Variants in PDE1C observed in about 807,000 individuals in gnomAD.
PDE1C encodes dual specificity calcium/calmodulin-dependent 3',5'-cyclic nucleotide phosphodiesterase 1C.
Under a neutral mutation model 93.1 loss-of-function variants are expected in PDE1C, and 62 were observed. That is an observed-to-expected ratio of 0.67 (90% CI 0.54 to 0.82). The LOEUF is 0.82. Ranked by LOEUF, PDE1C falls within the 40% of genes least tolerant of loss-of-function variation. PDE1C has a pLI of 0.00. For missense variants in PDE1C, 742 were observed against 884.6 expected, an observed-to-expected ratio of 0.84 and a Z score of 2.04; for synonymous variants, 325 against 310.1, an observed-to-expected ratio of 1.05 and a Z score of -0.50.
intron 1 of PDE1C, among the ~76,000 whole-genome samples, chr7:32,293,755 G>A (rs1043592963): frequency 6.6e-6 from 1 of 152,150 alleles, no homozygotes; most frequent in African/African-American, 2.4e-5. Flanking sequence ...AGAGAAGTAG[G>A]TCCATGAGCA....
At chr7:31,992,386 G>A (rs1784247309) in intron 2 of PDE1C, among the ~76,000 whole-genome samples, 1 of 152,220 alleles carries the variant, frequency 6.6e-6, no homozygotes, top group African/African-American at 2.4e-5. Context: ...TTGGACATCA[G>A]GGAAAGGTGG....
chr7:32,166,141 A>G (rs1214225185), intron 3 of PDE1C, among the ~76,000 whole-genome samples: 2 of 152,140 alleles, frequency 1.3e-5, no homozygotes, highest in Non-Finnish European at 2.9e-5. Flanking sequence ...ACAAAACATC[A>G]TATTATTTTA....
At chr7:32,069,753 G>A (rs1343333524) in intron 1 of PDE1C, among the ~76,000 whole-genome samples, 2 of 151,946 alleles carry the variant, frequency 1.3e-5, no homozygotes, top group Non-Finnish European at 2.9e-5. Flanking sequence ...TTCTCCACAA[G>A]AGCCTTTCCT....
intron 3 of PDE1C, among the ~76,000 whole-genome samples, chr7:32,105,860 C>T (rs1798282987): frequency 6.6e-6 from 1 of 151,828 alleles, no homozygotes; most frequent in Non-Finnish European, 1.5e-5. Context: ...TAGACCAGTC[C>T]AAGAGAAAAG....
the PDE1C span, among the ~76,000 whole-genome samples, chr7:31,701,605 C>T: frequency 6.6e-6 from 1 of 152,300 alleles, no homozygotes; most frequent in South Asian, 2.1e-4. Context: ...GTAAAATGCT[C>T]TCAAGCAGCA....
chr7:31,722,144 A>G, the PDE1C span, among the ~76,000 whole-genome samples: 2 of 151,758 alleles, frequency 1.3e-5, no homozygotes, highest in East Asian at 3.9e-4. Flanking sequence ...TCTCCTCCCA[A>G]TGTGCTTCCA....
chr7:32,110,877 C>G (rs1475767412), intron 3 of PDE1C, among the ~76,000 whole-genome samples: 1 of 152,142 alleles, frequency 6.6e-6, no homozygotes, highest in Non-Finnish European at 1.5e-5. Context: ...TAAAATATCT[C>G]ACATTGAACA....
chr7:32,167,796 A>C (rs1195213908), intron 3 of PDE1C, among the ~76,000 whole-genome samples: 1 of 152,200 alleles, frequency 6.6e-6, no homozygotes, highest in African/African-American at 2.4e-5. Flanking sequence ...CGAAGTAATC[A>C]AAGCTATCAT....
intron 2 of PDE1C, among the ~76,000 whole-genome samples, chr7:31,990,871 T>C (rs970263631): frequency 2.0e-5 from 3 of 152,198 alleles, no homozygotes; most frequent in Non-Finnish European, 4.4e-5. Flanking sequence ...CAATAGATCA[T>C]TGTGATCTTA....
chr7:31,648,056 CA>C, the PDE1C span, among the ~76,000 whole-genome samples: 1 of 151,166 alleles, frequency 6.6e-6, no homozygotes, highest in Non-Finnish European at 1.5e-5. Context: ...AGTGTTAATT[CA>C]AAAAAAATTC....
At chr7:32,379,922 G>T (rs1004482033) in intron 1 of PDE1C, among the ~76,000 whole-genome samples, 4 of 152,106 alleles carry the variant, frequency 2.6e-5, no homozygotes, top group Non-Finnish European at 5.9e-5. Flanking sequence ...CTCCTCTGCT[G>T]GGTGTGAGCT....
chr7:31,868,486 A>C lies in PDE1C; in HGVS notation c.610-3404T>G, dbSNP rs144711562. 1.4e-3 allele frequency among the ~76,000 whole-genome samples: 208 copies of C among 152,278 alleles called. 3 individuals carry two copies. Among genetic ancestry groups the C allele is most frequent in the African/African-American group, 4.8e-3 (200 of 41,582 alleles). The stretch of plus-strand genomic sequence containing the variant: ...TCAGAACTAGAAGACAGGTCTTCAC[A>C]AAAAATGCAGTCTGGCAAAAATAAA... On this transcript the variant is annotated intron_variant, in intron 6 of 17. Transcript: ENST00000396191.
At chr7:31,727,351 T>C in the PDE1C span, among the ~76,000 whole-genome samples, 1 of 152,228 alleles carries the variant, frequency 6.6e-6, no homozygotes, top group African/African-American at 2.4e-5. Flanking sequence ...CACATGCATC[T>C]TCATTCTCCT....
chr7:32,003,724 G>C (rs1173622791), intron 2 of PDE1C, among the ~76,000 whole-genome samples: 2 of 152,122 alleles, frequency 1.3e-5, no homozygotes, highest in Admixed American at 1.3e-4. Context: ...GTAGAAAAAT[G>C]GTTTTAGAAG....
chr7:31,918,826 C>T (rs1023288736), intron 2 of PDE1C, among the ~76,000 whole-genome samples: 12 of 152,130 alleles, frequency 7.9e-5, no homozygotes, highest in Non-Finnish European at 1.5e-4. Flanking sequence ...ATTTAATCTG[C>T]CCTGCGTAGC....
At chr7:31,824,043 A>G (rs1207691809) in intron 13 of PDE1C, among the ~76,000 whole-genome samples, 3 of 152,000 alleles carry the variant, frequency 2.0e-5, no homozygotes, top group Non-Finnish European at 4.4e-5. Context: ...ATCCATCTGG[A>G]GCATCCCTGG....
At chr7:32,152,323 C>G (rs1453936647) in intron 3 of PDE1C, among the ~76,000 whole-genome samples, 2 of 152,224 alleles carry the variant, frequency 1.3e-5, no homozygotes, top group Non-Finnish European at 2.9e-5. Flanking sequence ...AAGAGGGAAG[C>G]TATGGATCCC....
intron 3 of PDE1C, among the ~76,000 whole-genome samples, chr7:32,090,785 G>C (rs1377835325): frequency 1.3e-5 from 2 of 152,082 alleles, no homozygotes; most frequent in Admixed American, 6.5e-5. Context: ...GAGGCTCTTG[G>C]ACCCTCCTGG....
intron 6 of PDE1C, among the ~76,000 whole-genome samples, chr7:31,871,947 C>T (rs1274443781): frequency 6.6e-6 from 1 of 152,098 alleles, no homozygotes. Context: ...CAGTACTATT[C>T]ACAATAGCTA....
Sources: gnomAD v4.1 joint callset for allele counts (sites outside exome capture counted in the v4.1 genomes callset) on GRCh38, gnomAD v4.1.1 for gene constraint, MANE v1.5 for transcripts, NCBI Gene and HGNC (gene_info 2026-07-23, HGNC 2026-07-21) for gene names.